SLC6A11: variants seen among roughly 807,000 people sequenced by gnomAD.
The protein encoded by SLC6A11 is solute carrier family 6 member 11.
Under a neutral mutation model 74.8 loss-of-function variants are expected in SLC6A11, and 25 were observed. The observed-to-expected ratio is 0.33, with a 90% confidence interval of 0.24 to 0.47. SLC6A11 has a LOEUF of 0.47. SLC6A11 is among the 20% of genes least tolerant of loss of function. SLC6A11 has a pLI of 1.00. For missense variants in SLC6A11, 574 were observed against 837.0 expected (o/e 0.69, Z 3.88); for synonymous variants, 330 against 330.2 (o/e 1.00, Z 0.01).
intron 3 of SLC6A11, 66 bp downstream of exon 3, chr3:10,819,918 C>A: frequency 6.4e-7 from 1 of 1,555,186 alleles, no homozygotes; most frequent in Non-Finnish European, 8.8e-7. Context: ...TTTGTTCATG[C>A]CCTTCAGGCC....
intron 8 of SLC6A11, among the ~76,000 whole-genome samples, chr3:10,923,651 A>G (rs1695564620): frequency 6.6e-6 from 1 of 152,208 alleles, no homozygotes; most frequent in Non-Finnish European, 1.5e-5. Flanking sequence ...GGTTGCAGGC[A>G]AGACCCACCA....
intron 7 of SLC6A11, among the ~76,000 whole-genome samples, chr3:10,917,165 A>G (rs1695467548): frequency 6.6e-6 from 1 of 152,206 alleles, no homozygotes; most frequent in Non-Finnish European, 1.5e-5. Context: ...AAGGGGCTAT[A>G]GGGCCATTAT....
At position 10,822,440 on chromosome 3, in the gene SLC6A11, G is replaced by A. The variant is rs1037544181; in HGVS notation, c.533-862G>A. Among the ~76,000 whole-genome samples the A allele has an allele frequency of 3.3e-5, 5 of 152,308 alleles. No individual in the cohort carries two copies. The South Asian group carries it at 8.3e-4, about 25-fold the overall frequency. Reference sequence around the variant, plus strand: ...TGGAGTTTATTACAGTTCTATCCACGCTGGCCAGTGACTTTATAGAGGAGG... The same window carrying A: ...TGGAGTTTATTACAGTTCTATCCACACTGGCCAGTGACTTTATAGAGGAGG... On this transcript the variant is annotated intron_variant, in intron 3 of 13. Transcript: ENST00000254488.
intron 5 of SLC6A11, among the ~76,000 whole-genome samples, chr3:10,857,375 C>A (rs1476549141): frequency 6.6e-6 from 1 of 152,062 alleles, no homozygotes; most frequent in African/African-American, 2.4e-5. Flanking sequence ...AGAGGAAGGT[C>A]CCATGGGCAG....
chr3:10,933,225 T>G lies in SLC6A11; in HGVS notation c.1446T>G (p.Phe482Leu). The G allele has an allele frequency of 1.9e-6, 3 of 1,614,004 alleles. No homozygotes were observed. The highest frequency in any genetic ancestry group is 2.5e-6 in the Non-Finnish European group (3 of 1,179,900). The change falls in exon 11 of 14, where the codon TTT becomes TTG. Residue 482 changes from phenylalanine (F) to leucine (L), a missense_variant. This residue lies in a region of SLC6A11 where 257 missense variants were observed against 341.5 expected (regional missense o/e 0.75). Coordinates refer to ENST00000254488, the MANE Select transcript of SLC6A11 (RefSeq NM_014229.3). ...SGMCLLFVAIFECICIGWVYG... is the reference protein window; with the variant it reads ...SGMCLLFVAILECICIGWVYG... ...TGTGCCTTCTCTTCGTGGCCATCTT[T>G]GAGTGCATCTGCATCGGCTGGGTGT...
intron 4 of SLC6A11, among the ~76,000 whole-genome samples, chr3:10,841,346 G>A (rs533009775): frequency 1.3e-5 from 2 of 152,230 alleles, no homozygotes; most frequent in African/African-American, 4.8e-5. Flanking sequence ...CCAAGTCTCC[G>A]GAGTTGAGTG....
At chr3:10,849,735 A>G (rs1694548012) in intron 5 of SLC6A11, among the ~76,000 whole-genome samples, 1 of 143,538 alleles carries the variant, frequency 7.0e-6, no homozygotes, top group South Asian at 2.2e-4. Flanking sequence ...CAAAGCATGT[A>G]CAGCAATATT....
At chr3:10,822,886 T>A (rs1694155720) in intron 3 of SLC6A11, among the ~76,000 whole-genome samples, 2 of 152,122 alleles carry the variant, frequency 1.3e-5, no homozygotes, top group African/African-American at 4.8e-5. Flanking sequence ...TAAAACTGAG[T>A]CTCAGCTGCA....
chr3:10,937,307 C>T (rs1409076033), intron 13 of SLC6A11, among the ~76,000 whole-genome samples: 4 of 152,176 alleles, frequency 2.6e-5, no homozygotes, highest in Admixed American at 1.3e-4. Flanking sequence ...CTTTGGAACG[C>T]GTGCTCTAGC....
chr3:10,870,307 C>T (rs917482351), intron 5 of SLC6A11, among the ~76,000 whole-genome samples: 2 of 152,178 alleles, frequency 1.3e-5, no homozygotes, highest in African/African-American at 2.4e-5. Context: ...CTAGGTCTTA[C>T]CATTCTGTTG....
At chr3:10,891,982 T>C (rs1410049736) in intron 6 of SLC6A11, among the ~76,000 whole-genome samples, 1 of 152,226 alleles carries the variant, frequency 6.6e-6, no homozygotes, top group Non-Finnish European at 1.5e-5. Context: ...GAGCAGCTCT[T>C]GTTATTAAGT....
chr3:10,885,599 A>T (rs879749929), intron 6 of SLC6A11, among the ~76,000 whole-genome samples: 2 of 61,242 alleles, frequency 3.3e-5, no homozygotes, highest in Non-Finnish European at 5.2e-5. Context: ...CCCCATGATA[A>T]AAAAAAAAAA....
chr3:10,883,480 A>G (rs78996297), intron 6 of SLC6A11, among the ~76,000 whole-genome samples: 21 of 152,328 alleles, frequency 1.4e-4, no homozygotes, highest in Non-Finnish European at 2.5e-4. Flanking sequence ...CTGGTGCACC[A>G]GTTCCCCAGA....
intron 4 of SLC6A11, among the ~76,000 whole-genome samples, chr3:10,838,391 C>A (rs1009876722): frequency 6.6e-6 from 1 of 152,206 alleles, no homozygotes; most frequent in Non-Finnish European, 1.5e-5. Flanking sequence ...ACCCTCCCAA[C>A]CTTGGGCTCA....
At chr3:10,847,277 G>A (rs1426194736) in intron 5 of SLC6A11, among the ~76,000 whole-genome samples, 1 of 152,160 alleles carries the variant, frequency 6.6e-6, no homozygotes. Flanking sequence ...CTGCGATGTG[G>A]GGACTATGGC....
chr3:10,938,181 G>A (rs535944147), intron 13 of SLC6A11, 69 bp from the exon 14 acceptor site: 1 of 1,428,934 alleles, frequency 7.0e-7, no homozygotes, highest in East Asian at 2.3e-5. Context: ...GTGCTTGGGA[G>A]AGGCCACGGC....
chr3:10,913,860 AT>A (rs909719572), intron 7 of SLC6A11, among the ~76,000 whole-genome samples: 1 of 151,912 alleles, frequency 6.6e-6, no homozygotes, highest in Non-Finnish European at 1.5e-5. Flanking sequence ...CGCCCGGCTA[AT>A]TTTTTGTATT....
intron 4 of SLC6A11, among the ~76,000 whole-genome samples, chr3:10,833,540 A>G (rs1164649452): frequency 6.6e-6 from 1 of 152,156 alleles, no homozygotes; most frequent in Non-Finnish European, 1.5e-5. Flanking sequence ...CCGAGGATCA[A>G]GGTTCTGCTT....
chr3:10,826,407 T>C (rs1694210495), intron 4 of SLC6A11, among the ~76,000 whole-genome samples: 2 of 152,172 alleles, frequency 1.3e-5, no homozygotes, highest in Admixed American at 6.5e-5. Flanking sequence ...ACCTGCACAT[T>C]TGGGGGTCTG....
Sources: gnomAD v4.1 joint callset for allele counts (sites outside exome capture counted in the v4.1 genomes callset) on GRCh38, gnomAD v4.1.1 for gene constraint, gnomAD v4.1.1 regional missense constraint, MANE v1.5 for transcripts, NCBI Gene and HGNC (gene_info 2026-07-23, HGNC 2026-07-21) for gene names.